TCF12: variants seen among roughly 807,000 people sequenced by gnomAD.
TCF12 encodes the protein transcription factor 12.
A neutral mutation model predicts 86.0 loss-of-function variants in TCF12; 45 were observed. The ratio of observed to expected loss-of-function variants is 0.52; its 90% CI spans 0.41 to 0.67. The LOEUF is 0.67. TCF12 is among the 30% of genes least tolerant of loss of function. The pLI, the probability that TCF12 is intolerant of heterozygous loss-of-function variation, is 0.00. For synonymous variants in TCF12, 330 were observed against 299.6 expected (o/e 1.10, Z -1.05); for missense variants, 881 against 859.9 (o/e 1.02, Z -0.31).
At position 57,147,215 on chromosome 15, in the gene TCF12, C is replaced by A. The variant is rs199802798; in HGVS notation, c.326-19187C>A. ...TCATTTCTGGATCACTTCTTCCATT[C>A]TCAGTACTAACAATGTAACTATATA... On this transcript the variant is annotated intron_variant, in intron 5 of 20. Transcript: ENST00000333725. Among the ~76,000 whole-genome samples, 6 of 152,296 alleles carry A rather than the reference C, an allele frequency of 3.9e-5. No homozygotes were observed. The East Asian group carries it at 1.2e-3, about 29-fold the overall frequency.
chr15:56,932,877 ATAAT>A (rs763242584), intron 3 of TCF12, among the ~76,000 whole-genome samples: 1 of 152,208 alleles, frequency 6.6e-6, no homozygotes, highest in Non-Finnish European at 1.5e-5. Context: ...AGAAAACAGT[ATAAT>A]TAAAAGCCTC....
intron 3 of TCF12, among the ~76,000 whole-genome samples, chr15:56,985,464 A>G (rs1354923299): frequency 2.0e-5 from 3 of 152,166 alleles, no homozygotes; most frequent in Admixed American, 1.3e-4. Context: ...TATGTATACC[A>G]TGGCTTATTT....
At chr15:57,200,372 C>G (rs2057479881) in intron 8 of TCF12, among the ~76,000 whole-genome samples, 1 of 151,938 alleles carries the variant, frequency 6.6e-6, no homozygotes. Flanking sequence ...TTGTGATTTC[C>G]TATTTCAGAG....
chr15:57,125,468 A>G (rs1157131588), intron 5 of TCF12, among the ~76,000 whole-genome samples: 1 of 152,242 alleles, frequency 6.6e-6, no homozygotes, highest in Non-Finnish European at 1.5e-5. Context: ...AGGCAAACCT[A>G]CAGGTAGAAT....
chr15:57,126,617 A>C (rs7173936), intron 5 of TCF12, among the ~76,000 whole-genome samples: 66,032 of 151,592 alleles, frequency 0.44, 14,576 homozygotes, highest in East Asian at 0.59. Context: ...TTGGCTCCTT[A>C]GTTAGATTCC....
chr15:57,223,245 C>T (rs866210010), intron 8 of TCF12, among the ~76,000 whole-genome samples: 2 of 151,962 alleles, frequency 1.3e-5, no homozygotes, highest in Admixed American at 1.3e-4. Context: ...CCCCCAAAAG[C>T]ACATTTTCTC....
intron 3 of TCF12, among the ~76,000 whole-genome samples, chr15:57,029,721 T>C (rs1349364588): frequency 6.6e-6 from 1 of 152,242 alleles, no homozygotes; most frequent in Non-Finnish European, 1.5e-5. Context: ...ATGTTCAAGC[T>C]GTTACTTTCC....
At chr15:57,205,559 A>G (rs2057770485) in intron 8 of TCF12, among the ~76,000 whole-genome samples, 1 of 152,240 alleles carries the variant, frequency 6.6e-6, no homozygotes. Context: ...TTTGAAGGCT[A>G]CTGTGATACA....
intron 8 of TCF12, among the ~76,000 whole-genome samples, chr15:57,229,738 C>T (rs1223319281): frequency 6.6e-6 from 1 of 151,820 alleles, no homozygotes; most frequent in Non-Finnish European, 1.5e-5. Flanking sequence ...ATACTTCGTA[C>T]AAGGCACTGT....
intron 3 of TCF12, among the ~76,000 whole-genome samples, chr15:56,946,426 GA>G (rs2061000557): frequency 6.6e-6 from 1 of 151,878 alleles, no homozygotes; most frequent in Admixed American, 6.6e-5. Context: ...TTTATTTCTA[GA>G]AACTCTTTTG....
At chr15:57,093,194 G>A (rs78079688) in intron 5 of TCF12, among the ~76,000 whole-genome samples, 6,269 of 152,086 alleles carry the variant, frequency 0.041, 362 homozygotes, top group African/African-American at 0.13. Context: ...ATCAGAGTTA[G>A]GTTTACAATA....
chr15:56,920,071 A>C, intron 2 of TCF12, 83 bp downstream of exon 2: 2 of 1,509,292 alleles, frequency 1.3e-6, no homozygotes, highest in South Asian at 1.2e-5. Flanking sequence ...ATAAAGGGTG[A>C]GGGGAAGCAA....
intron 5 of TCF12, among the ~76,000 whole-genome samples, chr15:57,111,169 C>G (rs2151230039): frequency 6.6e-6 from 1 of 151,958 alleles, no homozygotes; most frequent in Middle Eastern, 3.4e-3. Context: ...CTAGCTAGCG[C>G]TGAATGGACT....
chr15:57,151,729 T>A (rs534379291), intron 5 of TCF12, among the ~76,000 whole-genome samples: 1 of 151,352 alleles, frequency 6.6e-6, no homozygotes, highest in Non-Finnish European at 1.5e-5. Context: ...CATGCCACTG[T>A]GCCACTGCAC....
intron 3 of TCF12, among the ~76,000 whole-genome samples, chr15:56,964,227 G>T (rs2061900426): frequency 6.6e-6 from 1 of 152,112 alleles, no homozygotes; most frequent in African/African-American, 2.4e-5. Context: ...TAAAGTTTTG[G>T]TAGAATCAGT....
intron 12 of TCF12, among the ~76,000 whole-genome samples, chr15:57,236,411 A>G (rs1341484179): frequency 6.6e-6 from 1 of 152,216 alleles, no homozygotes; most frequent in Non-Finnish European, 1.5e-5. Flanking sequence ...TGACATGCAT[A>G]TCATAATTTT....
At chr15:57,133,512 C>T (rs1418578265) in intron 5 of TCF12, among the ~76,000 whole-genome samples, 2 of 152,148 alleles carry the variant, frequency 1.3e-5, no homozygotes, top group African/African-American at 4.8e-5. Context: ...TGTTTGTGCC[C>T]GATAGACTGT....
chr15:57,155,339 T>A (rs976794983), intron 5 of TCF12, among the ~76,000 whole-genome samples: 4 of 152,206 alleles, frequency 2.6e-5, no homozygotes, highest in Admixed American at 6.5e-5. Context: ...AGTTATGCCT[T>A]ACTCACAAAT....
intron 12 of TCF12, among the ~76,000 whole-genome samples, chr15:57,239,380 C>T (rs189752449): frequency 7.9e-5 from 12 of 151,414 alleles, no homozygotes; most frequent in East Asian, 2.0e-4. Flanking sequence ...AAAAATTAGC[C>T]GGGTATGGTG....
Sources: gnomAD v4.1 joint callset for allele counts (sites outside exome capture counted in the v4.1 genomes callset) on GRCh38, gnomAD v4.1.1 for gene constraint, MANE v1.5 for transcripts, NCBI Gene and HGNC (gene_info 2026-07-23, HGNC 2026-07-21) for gene names.